Variants in YWHAQ observed in about 807,000 individuals in gnomAD.
YWHAQ encodes tyrosine 3-monooxygenase/tryptophan 5-monooxygenase activation protein theta, also known as 14-3-3 protein theta.
In YWHAQ, 6 loss-of-function variants were observed where a neutral mutation model predicts 28.3. The ratio of observed to expected loss-of-function variants is 0.21; its 90% CI spans 0.12 to 0.42. The LOEUF (loss-of-function observed/expected upper bound fraction) is 0.42, where lower values mean the gene tolerates loss of function less well. Among genes scored for constraint, YWHAQ ranks in the 10% least tolerant of loss-of-function variants. YWHAQ has a pLI of 1.00. For synonymous variants in YWHAQ, 143 were observed against 119.1 expected (o/e 1.20, Z -1.31); for missense variants, 201 against 305.6 (o/e 0.66, Z 2.55).
At chr2:9,598,564 C>T (rs1472774276) in intron 2 of YWHAQ, among the ~76,000 whole-genome samples, 1 of 152,172 alleles carries the variant, frequency 6.6e-6, no homozygotes, top group Non-Finnish European at 1.5e-5. Context: ...CTCTGTGGCA[C>T]ATTTTGGTAA....
At chr2:9,627,295 A>C (rs1667265872) in intron 2 of YWHAQ, among the ~76,000 whole-genome samples, 1 of 152,194 alleles carries the variant, frequency 6.6e-6, no homozygotes, top group South Asian at 2.1e-4. Context: ...ATGTTACTTT[A>C]ACTAGTCTTC....
chr2:9,598,081 G>A (rs1263143346), intron 2 of YWHAQ, among the ~76,000 whole-genome samples: 2 of 144,962 alleles, frequency 1.4e-5, no homozygotes, highest in African/African-American at 5.2e-5. Context: ...TGGTCCGCCT[G>A]CCTTGGCCTC....
intron 4 of YWHAQ, 79 bp from the exon 5 acceptor site, chr2:9,587,588 A>G: frequency 7.9e-7 from 1 of 1,261,194 alleles, no homozygotes; most frequent in Non-Finnish European, 1.1e-6. Flanking sequence ...CCATTTTTAC[A>G]AAATAAGTGA....
intron 2 of YWHAQ, among the ~76,000 whole-genome samples, chr2:9,624,577 T>C (rs1667211266): frequency 6.6e-6 from 1 of 152,074 alleles, no homozygotes; most frequent in South Asian, 2.1e-4. Context: ...TGATGTTTAG[T>C]AGCATTCAGG....
intron 2 of YWHAQ, among the ~76,000 whole-genome samples, chr2:9,606,205 C>T (rs1224035165): frequency 6.6e-6 from 1 of 152,104 alleles, no homozygotes; most frequent in Non-Finnish European, 1.5e-5. Flanking sequence ...ATTTATACTC[C>T]CACTAGCAAT....
chr2:9,611,119 G>A (rs891428915), intron 2 of YWHAQ, among the ~76,000 whole-genome samples: 3 of 152,064 alleles, frequency 2.0e-5, no homozygotes, highest in Non-Finnish European at 2.9e-5. Flanking sequence ...TTTCTTGTCC[G>A]GGTTTGATAC....
At chr2:9,610,517 CTTTT>C (rs367711814) in intron 2 of YWHAQ, among the ~76,000 whole-genome samples, 1 of 151,872 alleles carries the variant, frequency 6.6e-6, no homozygotes, top group South Asian at 2.1e-4. Context: ...AAACTTTACT[CTTTT>C]TTTTGAGACA....
intron 2 of YWHAQ, among the ~76,000 whole-genome samples, chr2:9,612,141 G>C (rs1666961093): frequency 6.6e-6 from 1 of 152,140 alleles, no homozygotes; most frequent in African/African-American, 2.4e-5. Context: ...CAGTATTTTT[G>C]AAAATCTATC....
intron 2 of YWHAQ, among the ~76,000 whole-genome samples, chr2:9,596,118 C>G (rs540957403): frequency 6.6e-6 from 1 of 152,182 alleles, no homozygotes; most frequent in East Asian, 1.9e-4. Flanking sequence ...GAACAATAGA[C>G]TATAACACAA....
chr2:9,621,288 A>G (rs1667138505), intron 2 of YWHAQ, among the ~76,000 whole-genome samples: 1 of 152,188 alleles, frequency 6.6e-6, no homozygotes, highest in African/African-American at 2.4e-5. Context: ...CTCATCACCC[A>G]AACAAAAAAG....
At chr2:9,592,947 G>A (rs1666487283) in intron 2 of YWHAQ, among the ~76,000 whole-genome samples, 1 of 152,116 alleles carries the variant, frequency 6.6e-6, no homozygotes, top group Admixed American at 6.5e-5. Context: ...CACTGCTCTA[G>A]GAAAAGTGAA....
At chr2:9,621,101 G>A (rs1667133650) in intron 2 of YWHAQ, among the ~76,000 whole-genome samples, 1 of 152,104 alleles carries the variant, frequency 6.6e-6, no homozygotes, top group Non-Finnish European at 1.5e-5. Context: ...ACAGGAGGTG[G>A]AATACTACAA....
chr2:9,602,935 C>A (rs1666746010), intron 2 of YWHAQ, among the ~76,000 whole-genome samples: 1 of 126,622 alleles, frequency 7.9e-6, no homozygotes, highest in Non-Finnish European at 1.6e-5. Flanking sequence ...GTTGCCTAGG[C>A]TGGTCTTGAA....
At chr2:9,627,606 G>T (rs1456841707) in intron 2 of YWHAQ, among the ~76,000 whole-genome samples, 1 of 152,138 alleles carries the variant, frequency 6.6e-6, no homozygotes, top group Admixed American at 6.5e-5. Context: ...AAGTCATGAG[G>T]ACTGCTTGAG....
chr2:9,617,617 C>T (rs1015229155), intron 2 of YWHAQ, among the ~76,000 whole-genome samples: 4 of 152,238 alleles, frequency 2.6e-5, no homozygotes, highest in South Asian at 4.1e-4. Context: ...TTTTATGTTA[C>T]GTGTTATCTT....
In YWHAQ at chr2:9,605,140, C is replaced by CTTTTTTTTTTTT. The variant is rs35332379; in HGVS notation, c.295-13637_295-13626dup. 3.6e-5 allele frequency among the ~76,000 whole-genome samples: 5 copies of CTTTTTTTTTTTT among 138,424 alleles called. 1 individual carries two copies. Among genetic ancestry groups the CTTTTTTTTTTTT allele is most frequent in the Non-Finnish European group, 4.6e-5 (3 of 65,034 alleles). The allele number at this position is 138,424 out of a possible 152,430, so 90.8% of individuals were successfully genotyped here. On this transcript the variant is annotated intron_variant, in intron 2 of 5. Transcript: ENST00000238081. ...TGATAGTTTCCCCATTCTGTTCTCT[C>CTTTTTTTTTTTT]TTTTTTTTTTTTTTTTGAGACAGGG...
chr2:9,591,579 G>C (rs1666457204), intron 2 of YWHAQ, 64 bp from the exon 3 acceptor site: 1 of 1,538,898 alleles, frequency 6.5e-7, no homozygotes, highest in South Asian at 1.2e-5. Flanking sequence ...ATCATTAAAT[G>C]ATAAAACTTC....
At chr2:9,602,777 C>T (rs1282941401) in intron 2 of YWHAQ, among the ~76,000 whole-genome samples, 2 of 144,594 alleles carry the variant, frequency 1.4e-5, no homozygotes, top group Non-Finnish European at 3.0e-5. Context: ...GGTCCTCCTG[C>T]CTCAGCCTCC....
chr2:9,628,243 T>C (rs978152052), intron 2 of YWHAQ, among the ~76,000 whole-genome samples: 1 of 152,202 alleles, frequency 6.6e-6, no homozygotes, highest in Non-Finnish European at 1.5e-5. Context: ...CCTTGGTGTC[T>C]CGGATTCATC....
Sources: allele counts gnomAD v4.1 joint callset (sites outside exome capture counted in the v4.1 genomes callset), GRCh38; gene constraint gnomAD v4.1.1; transcripts MANE v1.5; gene names NCBI Gene and HGNC (gene_info 2026-07-23, HGNC 2026-07-21).